GRM4: variants seen among roughly 807,000 people sequenced by gnomAD.
The protein encoded by GRM4 is metabotropic glutamate receptor 4.
GRM4 carries 28 observed loss-of-function variants against 81.7 expected under a neutral mutation model. The observed-to-expected ratio is 0.34, with a 90% CI of 0.25 to 0.47. GRM4 has a LOEUF of 0.47. Ranked by LOEUF, GRM4 falls within the 20% of genes least tolerant of loss-of-function variation. GRM4 has a pLI of 1.00. For missense variants in GRM4, 948 were observed against 1,290.0 expected, an observed-to-expected ratio of 0.73 and a Z score of 4.06; for synonymous variants, 488 against 528.8, an observed-to-expected ratio of 0.92 and a Z score of 1.06.
intron 1 of GRM4, chr6:34,155,000 G>A (rs945445428): frequency 8.2e-7 from 1 of 1,222,148 alleles, no homozygotes; most frequent in South Asian, 1.6e-5. Context: ...CCCAGGCCCA[G>A]TCTACGCCTC....
chr6:34,096,672 G>A lies in GRM4; in HGVS notation c.520-4573C>T, dbSNP rs533349859. 8.7e-3 allele frequency among the ~76,000 whole-genome samples: 799 copies of A among 91,590 alleles called. 14 individuals carry two copies. Among genetic ancestry groups the A allele is most frequent in the African/African-American group, 0.035 (737 of 21,112 alleles). The allele number at this position is 91,590 out of a possible 152,430, so 60.1% of individuals were successfully genotyped here. On this transcript the variant is annotated intron_variant, in intron 2 of 10. Coordinates refer to ENST00000538487, the MANE Select transcript of GRM4 (RefSeq NM_000841.4). ...AAGTGCTCCACTGTCTGGGCCCCCC[G>A]AAGAGGGGTAGGTTGTATGGCCCCT...
chr6:34,129,823 C>T (rs1561830465), intron 2 of GRM4, among the ~76,000 whole-genome samples: 1 of 152,164 alleles, frequency 6.6e-6, no homozygotes. Context: ...TTGCTCATAT[C>T]CTGACCCTGA....
At chr6:34,061,168 C>T (rs1056095354) in intron 4 of GRM4, 1 of 152,234 alleles carries the variant, frequency 6.6e-6, no homozygotes, top group Non-Finnish European at 1.5e-5. Flanking sequence ...GCAGGGGCCA[C>T]ATCTGCTCTC....
intron 1 of GRM4, among the ~76,000 whole-genome samples, chr6:34,154,790 A>T (rs1208062563): frequency 1.3e-5 from 2 of 152,176 alleles, no homozygotes; most frequent in Non-Finnish European, 2.9e-5. Flanking sequence ...CGGCCTCCTC[A>T]GGATGGAGGG....
intron 5 of GRM4, 144 bp downstream of exon 5, chr6:34,058,830 C>T (rs1056296159): frequency 1.5e-6 from 1 of 670,992 alleles, no homozygotes; most frequent in Non-Finnish European, 2.5e-6. Flanking sequence ...AGCCCAAAAC[C>T]TCAGAACATA....
intron 6 of GRM4, among the ~76,000 whole-genome samples, chr6:34,051,339 T>C (rs1010533242): frequency 6.6e-6 from 1 of 152,238 alleles, no homozygotes; most frequent in African/African-American, 2.4e-5. Context: ...AATTAATAAA[T>C]GCTATATAAA....
chr6:34,097,106 C>T (rs1561810557), intron 2 of GRM4, among the ~76,000 whole-genome samples: 1 of 152,190 alleles, frequency 6.6e-6, no homozygotes, highest in Admixed American at 6.5e-5. Flanking sequence ...CTGCCGTCAG[C>T]GGGCTCCAAT....
chr6:34,025,787 G>A (rs1278161638), intron 10 of GRM4, among the ~76,000 whole-genome samples: 3 of 152,208 alleles, frequency 2.0e-5, no homozygotes, highest in South Asian at 2.1e-4. Context: ...TCTCAGAGCC[G>A]AGAGTCTCTC....
Position 34,074,456 on chromosome 6 carries a change from C to A in GRM4, c.737-12428G>T, listed in dbSNP as rs1026808300. Among the ~76,000 whole-genome samples the A allele has an allele frequency of 1.3e-5, 2 of 151,954 alleles. No individual in the cohort carries two copies. The highest frequency in any genetic ancestry group is 2.9e-5 in the Non-Finnish European group (2 of 68,010). On this transcript the variant is annotated intron_variant, in intron 3 of 10. Transcript: ENST00000538487. This position sits in a 1 kb window ranked among gnomAD's most constrained non-coding sequence, Gnocchi z 4.9. ...AGCTGTGAGGCTCAACATCTCAGAG[C>A]TGAGCCCTTCCGCCCCCTACCAGGA...
intron 2 of GRM4, among the ~76,000 whole-genome samples, chr6:34,105,303 C>A (rs2127496350): frequency 6.6e-6 from 1 of 152,200 alleles, no homozygotes; most frequent in Non-Finnish European, 1.5e-5. Context: ...GGTCCTGACC[C>A]CTGGGAGGGG....
rs1427478284 is a variant in GRM4, at chr6:34,092,325, A to C, written c.520-226T>G. On this transcript the variant is annotated intron_variant, in intron 2 of 10. Coordinates refer to ENST00000538487, the MANE Select transcript of GRM4 (RefSeq NM_000841.4). This position sits in a 1 kb window ranked among gnomAD's most constrained non-coding sequence, Gnocchi z 6.8. The stretch of plus-strand genomic sequence containing the variant: ...CACACAGATACACACACAGGCACAC[A>C]CATACATACACCACACACACATACA... 6.6e-6 allele frequency among the ~76,000 whole-genome samples: 1 copy of C among 152,178 alleles called. No homozygotes were observed. Among genetic ancestry groups the C allele is most frequent in the East Asian group, 1.9e-4 (1 of 5,196 alleles).
At position 34,095,855 on chromosome 6, in the gene GRM4, G is replaced by A. The variant is rs114537421; in HGVS notation, c.520-3756C>T. Among the ~76,000 whole-genome samples the A allele has an allele frequency of 3.1e-3, 473 of 152,280 alleles. 2 individuals are homozygous for A. Among genetic ancestry groups the A allele is most frequent in the African/African-American group, 0.01 (436 of 41,554 alleles). The stretch of plus-strand genomic sequence containing the variant: ...TCGGGGGCAGGAGGTGCCAGGGGCC[G>A]CCACAGGTGGGCAGGGAGCCACGTC... On this transcript the variant is annotated intron_variant, in intron 2 of 10. Coordinates refer to ENST00000538487, the MANE Select transcript of GRM4 (RefSeq NM_000841.4).
chr6:34,033,685 C>CTT lies in GRM4; in HGVS notation c.2442+1982_2442+1983insAA, dbSNP rs749874406. 1.0e-3 allele frequency among the ~76,000 whole-genome samples: 146 copies of CTT among 146,648 alleles called. 2 individuals carry two copies. The East Asian group carries it at 0.023, about 23-fold the overall frequency. On this transcript the variant is annotated intron_variant, in intron 9 of 10. Coordinates refer to ENST00000538487, the MANE Select transcript of GRM4 (RefSeq NM_000841.4). The stretch of plus-strand genomic sequence containing the variant: ...TTTCTCTCTCTTTCTTTCTCTTTCT[C>CTT]TCTCTCTCTCTCTTTCTCTTTCTTT...
At chr6:34,023,547 C>T in intron 10 of GRM4, among the ~76,000 whole-genome samples, 1 of 152,146 alleles carries the variant, frequency 6.6e-6, no homozygotes, top group East Asian at 1.9e-4. Flanking sequence ...ATCCCCAGGG[C>T]CCTCTGAGCA....
In GRM4 at chr6:34,103,522, C is replaced by T. The variant is rs889334443; in HGVS notation, c.520-11423G>A. ...CGGGCGAGGGAGAGCAAACGCGATC[C>T]TCAAATCAGCACTTGTCCTATTTCA... On this transcript the variant is annotated intron_variant, in intron 2 of 10. Coordinates refer to ENST00000538487, the MANE Select transcript of GRM4 (RefSeq NM_000841.4). 5 of 1,366,474 alleles carry T rather than the reference C, an allele frequency of 3.7e-6. No individual in the cohort carries two copies. In the African/African-American group the frequency reaches 7.2e-5, roughly 20 times the overall value. 84.6% of individuals were successfully genotyped at this position (1,366,474 alleles called of 1,614,324 possible). A position where few individuals can be genotyped will look rare whatever the true frequency, so the allele number is the denominator to read the frequency against.
chr6:34,085,938 T>C (rs1767862737), intron 3 of GRM4, among the ~76,000 whole-genome samples: 1 of 151,876 alleles, frequency 6.6e-6, no homozygotes, highest in Admixed American at 6.6e-5. Flanking sequence ...AGGAGAAGCT[T>C]TCCCACAGGA....
intron 6 of GRM4, chr6:34,056,222 T>A (rs1001816994): frequency 1.5e-5 from 4 of 261,434 alleles, no homozygotes; most frequent in African/African-American, 6.6e-5. Flanking sequence ...CAGCCTGGTG[T>A]GCATCAAGAC....
intron 2 of GRM4, among the ~76,000 whole-genome samples, chr6:34,101,558 G>A (rs1230719489): frequency 1.3e-5 from 2 of 152,192 alleles, no homozygotes; most frequent in Admixed American, 6.5e-5. Context: ...TGAGAAGGCC[G>A]CCCCCATCCT....
chr6:34,134,446 G>A (rs1486009732), intron 1 of GRM4, among the ~76,000 whole-genome samples: 3 of 152,254 alleles, frequency 2.0e-5, no homozygotes, highest in South Asian at 2.1e-4. Context: ...ATCCTGGAAC[G>A]CAGTGGTGTA....
Sources: gnomAD v4.1 joint callset for allele counts (sites outside exome capture counted in the v4.1 genomes callset) on GRCh38, gnomAD v4.1.1 for gene constraint, Gnocchi (gnomAD v3.1) non-coding constraint, MANE v1.5 for transcripts, NCBI Gene and HGNC (gene_info 2026-07-23, HGNC 2026-07-21) for gene names.